Variants in BMP5 observed in about 807,000 individuals in gnomAD.
The protein encoded by BMP5 is bone morphogenetic protein 5.
BMP5 carries 23 observed loss-of-function variants against 46.6 expected under a neutral mutation model. The observed-to-expected ratio is 0.49, with a 90% confidence interval of 0.35 to 0.70. BMP5 has a LOEUF of 0.70. Among genes scored for constraint, BMP5 ranks in the 30% least tolerant of loss-of-function variants. BMP5 has a pLI of 0.00. For missense variants in BMP5, 545 were observed against 565.6 expected, an observed-to-expected ratio of 0.96 and a Z score of 0.37; for synonymous variants, 204 against 191.9, an observed-to-expected ratio of 1.06 and a Z score of -0.52.
chr6:55,806,816 A>G (rs1446378084), intron 2 of BMP5, among the ~76,000 whole-genome samples: 1 of 152,110 alleles, frequency 6.6e-6, no homozygotes, highest in Non-Finnish European at 1.5e-5. Flanking sequence ...TAGGCATTTT[A>G]TTCTCTTTGT....
intron 1 of BMP5, among the ~76,000 whole-genome samples, chr6:55,852,536 T>C (rs897464552): frequency 6.6e-6 from 1 of 152,146 alleles, no homozygotes; most frequent in Non-Finnish European, 1.5e-5. Context: ...GTCATTGGTA[T>C]GTAATATTTT....
chr6:55,798,329 A>G (rs1304570671), intron 2 of BMP5, among the ~76,000 whole-genome samples: 1 of 152,188 alleles, frequency 6.6e-6, no homozygotes, highest in East Asian at 1.9e-4. Context: ...AATACATAAT[A>G]CTAATAAAGC....
At chr6:55,829,014 G>C (rs1776596839) in intron 1 of BMP5, among the ~76,000 whole-genome samples, 1 of 151,710 alleles carries the variant, frequency 6.6e-6, no homozygotes, top group Non-Finnish European at 1.5e-5. Context: ...TTATCATATG[G>C]AATAATATAT....
At chr6:55,832,668 T>A (rs1010776742) in intron 1 of BMP5, among the ~76,000 whole-genome samples, 2 of 152,174 alleles carry the variant, frequency 1.3e-5, no homozygotes, top group African/African-American at 2.4e-5. Flanking sequence ...TGCATTCAAA[T>A]CGGTACCTAA....
chr6:55,850,120 G>C (rs1330045650), intron 1 of BMP5, among the ~76,000 whole-genome samples: 1 of 152,002 alleles, frequency 6.6e-6, no homozygotes, highest in Non-Finnish European at 1.5e-5. Flanking sequence ...TCAAATCTCA[G>C]GTGTCATCTA....
chr6:55,784,482 C>G (rs959701108), intron 3 of BMP5, among the ~76,000 whole-genome samples: 4 of 151,450 alleles, frequency 2.6e-5, no homozygotes, highest in Admixed American at 6.6e-5. Flanking sequence ...TCATACAAGA[C>G]TAAATTAAGA....
intron 4 of BMP5, among the ~76,000 whole-genome samples, chr6:55,773,719 T>C (rs774640540): frequency 2.6e-5 from 4 of 152,004 alleles, no homozygotes; most frequent in African/African-American, 4.8e-5. Flanking sequence ...CCATCCATTT[T>C]TGAAAGGCCC....
At chr6:55,802,322 C>G (rs1775869262) in intron 2 of BMP5, among the ~76,000 whole-genome samples, 1 of 152,178 alleles carries the variant, frequency 6.6e-6, no homozygotes. Context: ...TAAGTGGTTA[C>G]TATACCATGT....
At chr6:55,856,668 TATTA>T (rs1379499076) in intron 1 of BMP5, among the ~76,000 whole-genome samples, 5 of 152,242 alleles carry the variant, frequency 3.3e-5, no homozygotes, top group East Asian at 1.9e-4. Flanking sequence ...CTTACATGTT[TATTA>T]ATTATCTATA....
chr6:55,760,197 C>T (rs1335795112), intron 5 of BMP5, among the ~76,000 whole-genome samples: 1 of 151,882 alleles, frequency 6.6e-6, no homozygotes, highest in African/African-American at 2.4e-5. Flanking sequence ...CAACGGCACT[C>T]TTTTTTTTCT....
chr6:55,773,653 A>G (rs1260249854), intron 4 of BMP5, among the ~76,000 whole-genome samples: 1 of 151,904 alleles, frequency 6.6e-6, no homozygotes, highest in Non-Finnish European at 1.5e-5. Flanking sequence ...AGCATAATTC[A>G]CATGTATTGA....
chr6:55,866,201 T>C (rs1313551156), intron 1 of BMP5, among the ~76,000 whole-genome samples: 2 of 152,136 alleles, frequency 1.3e-5, no homozygotes, highest in South Asian at 4.1e-4. Flanking sequence ...AAACACAAAC[T>C]GTACTGGAAA....
At chr6:55,852,229 A>T (rs1013419039) in intron 1 of BMP5, among the ~76,000 whole-genome samples, 5 of 152,216 alleles carry the variant, frequency 3.3e-5, no homozygotes, top group Middle Eastern at 3.4e-3. Flanking sequence ...GAAAATTACT[A>T]AACTTGCTGT....
chr6:55,797,083 C>T lies in BMP5; in HGVS notation c.684-2656G>A, dbSNP rs1430957319. ...CATTACCTATAGACAACAGAATATG[C>T]TTGAGGAGAATCAAGACTATGAGTA... On this transcript the variant is annotated intron_variant, in intron 2 of 6. Transcript: ENST00000370830. Among the ~76,000 whole-genome samples the T allele has an allele frequency of 3.9e-5, 6 of 152,272 alleles. No individual in the cohort carries two copies. In the East Asian group the frequency reaches 1.2e-3, roughly 29 times the overall value.
At chr6:55,835,883 G>GT (rs1339366834) in intron 1 of BMP5, among the ~76,000 whole-genome samples, 3 of 152,170 alleles carry the variant, frequency 2.0e-5, no homozygotes, top group African/African-American at 7.2e-5. Context: ...TGAAACTAAA[G>GT]TAAGAGATGA....
At chr6:55,846,065 T>G (rs186745690) in intron 1 of BMP5, among the ~76,000 whole-genome samples, 107 of 152,024 alleles carry the variant, frequency 7.0e-4, no homozygotes, top group Middle Eastern at 3.4e-3. Context: ...AGTGAAAAAT[T>G]TATTTTCTCA....
At chr6:55,828,786 GT>G in intron 1 of BMP5, among the ~76,000 whole-genome samples, 2 of 151,810 alleles carry the variant, frequency 1.3e-5, no homozygotes, top group Non-Finnish European at 3.0e-5. Flanking sequence ...AGTTTGTATA[GT>G]TTAAAGGATA....
chr6:55,861,788 T>A (rs1777531352), intron 1 of BMP5, among the ~76,000 whole-genome samples: 1 of 152,204 alleles, frequency 6.6e-6, no homozygotes, highest in Non-Finnish European at 1.5e-5. Flanking sequence ...GCAAATTCAA[T>A]ATATAATATG....
chr6:55,769,036 G>T (rs574762013), intron 4 of BMP5, among the ~76,000 whole-genome samples: 1 of 152,084 alleles, frequency 6.6e-6, no homozygotes, highest in East Asian at 1.9e-4. Context: ...TCTTCAGCAA[G>T]TTGTAATCCT....
Sources: allele counts gnomAD v4.1 joint callset (sites outside exome capture counted in the v4.1 genomes callset), GRCh38; gene constraint gnomAD v4.1.1; transcripts MANE v1.5; gene names NCBI Gene and HGNC (gene_info 2026-07-23, HGNC 2026-07-21).